FTCDNL1: variants seen among roughly 807,000 people sequenced by gnomAD.
FTCDNL1 encodes the protein formiminotransferase cyclodeaminase N-terminal like, also known as formiminotransferase N-terminal subdomain-containing protein.
In FTCDNL1, 11 loss-of-function variants were observed where a neutral mutation model predicts 5.9. The observed-to-expected ratio is 1.87, with a 90% CI of 1.18 to 3.10. FTCDNL1 has a LOEUF of 3.10. Ranked by LOEUF, FTCDNL1 falls within the 30% of genes most tolerant of loss-of-function variation. The pLI is 0.00. For synonymous variants in FTCDNL1, 58 were observed against 24.8 expected, an observed-to-expected ratio of 2.34 and a Z score of -3.99; for missense variants, 115 against 65.5, an observed-to-expected ratio of 1.76 and a Z score of -2.61.
chr2:199,838,265 A>G (rs1574672248), intron 3 of FTCDNL1, among the ~76,000 whole-genome samples: 2 of 152,230 alleles, frequency 1.3e-5, no homozygotes, highest in East Asian at 3.8e-4. Context: ...AAGTCAGACA[A>G]AAGAAGAATG....
the FTCDNL1 span, among the ~76,000 whole-genome samples, chr2:199,668,476 G>A: frequency 6.6e-3 from 1,003 of 152,024 alleles, 7 homozygotes; most frequent in African/African-American, 0.023. Flanking sequence ...GCCAATGAAG[G>A]ACCCACTTGA....
intron 3 of FTCDNL1, among the ~76,000 whole-genome samples, chr2:199,835,005 C>G (rs1278277321): frequency 6.6e-6 from 1 of 151,636 alleles, no homozygotes; most frequent in African/African-American, 2.4e-5. Flanking sequence ...AAGACCCTGT[C>G]TCTACAAAAA....
rs143828498 is a variant in FTCDNL1, at chr2:199,832,948, A to G, written c.211+13127T>C. Reference sequence around the variant, plus strand: ...AACAAGTAGCAGACGTGGGATTTGAACTCAGATTGTTCAGCTCCCTAATTT... The same window carrying G: ...AACAAGTAGCAGACGTGGGATTTGAGCTCAGATTGTTCAGCTCCCTAATTT... On this transcript the variant is annotated intron_variant, in intron 3 of 4. Coordinates refer to ENST00000420128, the MANE Select transcript of FTCDNL1 (RefSeq NM_001363886.2). Among the ~76,000 whole-genome samples, 665 of 151,998 alleles carry G rather than the reference A, an allele frequency of 4.4e-3. 4 individuals are homozygous for G. The highest frequency in any genetic ancestry group is 0.015 in the African/African-American group (610 of 41,458).
the FTCDNL1 span, among the ~76,000 whole-genome samples, chr2:199,730,987 T>G: frequency 1.3e-5 from 2 of 152,190 alleles, no homozygotes; most frequent in Non-Finnish European, 2.9e-5. Flanking sequence ...ATGTGGCACA[T>G]ATACACCATG....
the FTCDNL1 span, among the ~76,000 whole-genome samples, chr2:199,679,213 T>G: frequency 3.9e-5 from 6 of 152,170 alleles, no homozygotes; most frequent in African/African-American, 1.4e-4. Flanking sequence ...TTTATGGTTC[T>G]TCTGTGAATT....
the FTCDNL1 span, among the ~76,000 whole-genome samples, chr2:199,665,755 C>G: frequency 2.7e-5 from 1 of 36,554 alleles, no homozygotes; most frequent in Non-Finnish European, 6.7e-5. Context: ...GTCAGGAGAT[C>G]GAGAAAGAAG....
intron 3 of FTCDNL1, among the ~76,000 whole-genome samples, chr2:199,831,631 T>C (rs1291898245): frequency 1.3e-5 from 2 of 152,188 alleles, no homozygotes; most frequent in Non-Finnish European, 2.9e-5. Context: ...TACATGTATG[T>C]AAGTAAAGCA....
chr2:199,781,688 T>C (rs1384277301), intron 3 of FTCDNL1, among the ~76,000 whole-genome samples: 2 of 152,226 alleles, frequency 1.3e-5, no homozygotes, highest in African/African-American at 2.4e-5. Context: ...TTCTCTTTCC[T>C]GTGGAAGGAG....
At chr2:199,800,954 T>C (rs1700414393) in intron 3 of FTCDNL1, among the ~76,000 whole-genome samples, 1 of 152,260 alleles carries the variant, frequency 6.6e-6, no homozygotes, top group East Asian at 1.9e-4. Context: ...TGGATGGACA[T>C]TATTAAAAAC....
chr2:199,817,491 A>G (rs940794798), intron 4 of FTCDNL1, among the ~76,000 whole-genome samples: 6 of 152,178 alleles, frequency 3.9e-5, no homozygotes, highest in Non-Finnish European at 8.8e-5. Context: ...GTAAAAACAG[A>G]GAATAAAATC....
At chr2:199,717,270 A>G in the FTCDNL1 span, among the ~76,000 whole-genome samples, 2 of 152,138 alleles carry the variant, frequency 1.3e-5, no homozygotes, top group Non-Finnish European at 2.9e-5. Context: ...TGTAGTCTGT[A>G]TTGCTGACAC....
At chr2:199,754,388 T>C in the FTCDNL1 span, among the ~76,000 whole-genome samples, 1 of 152,072 alleles carries the variant, frequency 6.6e-6, no homozygotes, top group South Asian at 2.1e-4. Context: ...GTGGAAGTGA[T>C]GGTAAAGACT....
chr2:199,774,538 G>A (rs1167074568), intron 3 of FTCDNL1, among the ~76,000 whole-genome samples: 4 of 152,094 alleles, frequency 2.6e-5, no homozygotes, highest in Non-Finnish European at 5.9e-5. Flanking sequence ...TTTTAATGGT[G>A]GGGGCTTTAG....
chr2:199,718,883 A>AT, the FTCDNL1 span, among the ~76,000 whole-genome samples: 8 of 151,392 alleles, frequency 5.3e-5, no homozygotes, highest in East Asian at 2.0e-4. Context: ...CTTTTTAATG[A>AT]TTTTTTTTAT....
chr2:199,802,071 G>A (rs896156342), intron 3 of FTCDNL1, among the ~76,000 whole-genome samples: 8 of 152,168 alleles, frequency 5.3e-5, no homozygotes, highest in South Asian at 4.1e-4. Context: ...TAGCTGCTCC[G>A]CTGCCACTCA....
the FTCDNL1 span, among the ~76,000 whole-genome samples, chr2:199,748,737 T>A: frequency 2.0e-5 from 3 of 152,158 alleles, no homozygotes; most frequent in African/African-American, 7.2e-5. Flanking sequence ...GTCAAAAGGA[T>A]CAAGTGGAGG....
intron 3 of FTCDNL1, among the ~76,000 whole-genome samples, chr2:199,784,207 C>T (rs1244310279): frequency 2.0e-5 from 3 of 152,118 alleles, no homozygotes; most frequent in African/African-American, 4.8e-5. Context: ...AAACTTGTCT[C>T]GCTCCAATGT....
chr2:199,794,157 C>T (rs910350291), intron 3 of FTCDNL1, among the ~76,000 whole-genome samples: 1 of 152,062 alleles, frequency 6.6e-6, no homozygotes, highest in African/African-American at 2.4e-5. Flanking sequence ...CTTATTAATC[C>T]TATCTATTTG....
intron 3 of FTCDNL1, chr2:199,844,441 G>A: frequency 1.5e-6 from 1 of 663,490 alleles, no homozygotes; most frequent in Non-Finnish European, 2.8e-6. Context: ...TCGGAATCAA[G>A]TCCACTGCTC....
Sources: gnomAD v4.1 joint callset for allele counts (sites outside exome capture counted in the v4.1 genomes callset) on GRCh38, gnomAD v4.1.1 for gene constraint, MANE v1.5 for transcripts, NCBI Gene and HGNC (gene_info 2026-07-23, HGNC 2026-07-21) for gene names.